CR2: variants seen among roughly 807,000 people sequenced by gnomAD.
CR2 encodes the protein complement receptor type 2.
CR2 carries 96 observed loss-of-function variants against 123.0 expected under a neutral mutation model. The observed-to-expected ratio is 0.78, with a 90% confidence interval of 0.66 to 0.93. CR2 has a LOEUF of 0.93. Ranked by LOEUF, CR2 falls within the 40% of genes least tolerant of loss-of-function variation. The probability of loss-of-function intolerance (pLI) is 0.00; values close to 1 mark genes in which losing one functional copy is unlikely to be tolerated. For missense variants in CR2, 1,258 were observed against 1,361.0 expected (o/e 0.92, Z 1.19); for synonymous variants, 484 against 469.5 (o/e 1.03, Z -0.40).
At chr1:207,458,822 T>C (rs969812372) in intron 1 of CR2, among the ~76,000 whole-genome samples, 38 of 152,254 alleles carry the variant, frequency 2.5e-4, no homozygotes, top group Non-Finnish European at 7.3e-5. Context: ...ATTTACAGTC[T>C]GTCTCTTTCT....
chr1:207,484,699 A>G (rs571510161), intron 18 of CR2, among the ~76,000 whole-genome samples: 4 of 152,346 alleles, frequency 2.6e-5, no homozygotes, highest in African/African-American at 9.6e-5. Context: ...AGAGCTTTAC[A>G]TGGTAGTATA....
intron 6 of CR2, 61 bp downstream of exon 6, chr1:207,470,163 G>A: frequency 6.3e-7 from 1 of 1,597,644 alleles, no homozygotes; most frequent in Non-Finnish European, 8.6e-7. Flanking sequence ...TTAGAAGAAG[G>A]GGTTGTGGGC....
At chr1:207,468,762 A>G (rs1658178885) in intron 3 of CR2, 38 bp from the exon 4 acceptor site, 1 of 1,613,654 alleles carries the variant, frequency 6.2e-7, no homozygotes, top group Admixed American at 1.7e-5. Context: ...CTGTTCTGTT[A>G]TTTGCCATGC....
At chr1:207,459,574 G>T (rs2102295855) in intron 1 of CR2, among the ~76,000 whole-genome samples, 3 of 152,098 alleles carry the variant, frequency 2.0e-5, no homozygotes, top group Middle Eastern at 6.8e-3. Flanking sequence ...AAGTCCCTGG[G>T]CCCAAGTAAT....
chr1:207,473,885 G>A lies in CR2; in HGVS notation c.2240G>A (p.Gly747Glu), dbSNP rs1273753802. ...CTAGTTAATACGTCCTGCCAAGATG[G>A]GTGAGTATGAAGTGGTCTATTCTGA... ...VELVNTSCQD[G>E]YQLTGHAYQM... The change falls in exon 12 of 20, where the codon GGG becomes GAG. Residue 747 changes from glycine (G) to glutamate (E), a missense_variant and splice_region_variant. Coordinates refer to ENST00000367057, the MANE Select transcript of CR2 (RefSeq NM_001006658.3). 6.2e-7 allele frequency: 1 copy of A among 1,613,486 alleles called. No homozygotes were observed.
Position 207,466,893 on chromosome 1 carries a change from AC to A in CR2, c.427del (p.Leu143TyrfsTer5). 1 of 1,599,386 alleles carries A rather than the reference AC, an allele frequency of 6.3e-7. No individual in the cohort carries two copies. The highest frequency in any genetic ancestry group is 8.5e-7 in the Non-Finnish European group (1 of 1,173,710). ...QANNMWGPTR[L>X]PTCVSVFPLE... ...CAAATAATATGTGGGGGCCGACACG[AC>A]TACCAACCTGTGTAAGTGGTGAGTA... On this transcript the variant is annotated frameshift_variant, in exon 2 of 20. Transcript: ENST00000367057. LOFTEE classifies it high-confidence loss of function.
intron 18 of CR2, among the ~76,000 whole-genome samples, chr1:207,481,835 G>A (rs1366361388): frequency 6.6e-6 from 1 of 151,936 alleles, no homozygotes; most frequent in Non-Finnish European, 1.5e-5. Flanking sequence ...ATCTAGGAAA[G>A]TCTATCTTTA....
In CR2 at chr1:207,479,499, T is replaced by C. The variant is rs141885899; in HGVS notation, c.3112+219T>C. Among the ~76,000 whole-genome samples the C allele has an allele frequency of 7.3e-3, 1,114 of 152,356 alleles. 27 individuals carry two copies. The highest frequency in any genetic ancestry group is 0.05 in the Admixed American group (765 of 15,304). Reference sequence around the variant, plus strand: ...TGAACAGCCAGCTCTTTCTTCTTTTTAAATTGATATTTTAGTTTTTATTAA... The same window carrying C: ...TGAACAGCCAGCTCTTTCTTCTTTTCAAATTGATATTTTAGTTTTTATTAA... On this transcript the variant is annotated intron_variant, in intron 17 of 19. Transcript: ENST00000367057.
intron 17 of CR2, 148 bp downstream of exon 17, chr1:207,479,428 G>A (rs982152306): frequency 1.8e-5 from 11 of 624,494 alleles, no homozygotes; most frequent in Admixed American, 2.7e-5. Flanking sequence ...CAATGTACAT[G>A]TCACATTACA....
At chr1:207,483,388 G>T (rs1023544244) in intron 18 of CR2, among the ~76,000 whole-genome samples, 5 of 152,164 alleles carry the variant, frequency 3.3e-5, no homozygotes, top group African/African-American at 1.2e-4. Context: ...CTAGGCTGGA[G>T]GCGGGAGGGT....
chr1:207,485,679 G>A, intron 19 of CR2, 107 bp downstream of exon 19: 2 of 702,616 alleles, frequency 2.8e-6, no homozygotes, highest in South Asian at 1.6e-5. Context: ...TCTTACTATT[G>A]CACAAGTCTT....
intron 4 of CR2, 32 bp from the exon 5 acceptor site, chr1:207,469,118 A>G: frequency 1.9e-6 from 3 of 1,585,266 alleles, no homozygotes; most frequent in Non-Finnish European, 1.7e-6. Context: ...CAAACTGCCT[A>G]ATAGTTCTGA....
chr1:207,470,880 G>C lies in CR2; in HGVS notation c.1366G>C (p.Glu456Gln), dbSNP rs777257410. The C allele has an allele frequency of 1.2e-6, 2 of 1,613,778 alleles. No homozygotes were observed. Among genetic ancestry groups the C allele is most frequent in the African/African-American group, 1.3e-5 (1 of 74,900 alleles). ...AGAAGAATCCATACAGTGTACCTCTGAGGGGGTGTGGACACCCCCTGTACC... is the reference window on the plus strand; with the variant it reads ...AGAAGAATCCATACAGTGTACCTCTCAGGGGGTGTGGACACCCCCTGTACC... ...VGEESIQCTSEGVWTPPVPQC... is the reference protein window; with the variant it reads ...VGEESIQCTSQGVWTPPVPQC... Residue 456 changes from glutamate to glutamine, a missense_variant, in exon 7 of 20, where the codon GAG (glutamate) becomes CAG (glutamine). Transcript: ENST00000367057.
At chr1:207,461,798 G>T (rs777538959) in intron 1 of CR2, among the ~76,000 whole-genome samples, 2 of 152,168 alleles carry the variant, frequency 1.3e-5, no homozygotes, top group East Asian at 3.8e-4. Flanking sequence ...GTAAAGGTGA[G>T]TAATCCTGTA....
At chr1:207,465,599 G>A (rs974616159) in intron 1 of CR2, among the ~76,000 whole-genome samples, 5 of 152,188 alleles carry the variant, frequency 3.3e-5, no homozygotes, top group African/African-American at 1.2e-4. Flanking sequence ...ACCAAGTATA[G>A]CACTGATGTG....
intron 18 of CR2, 43 bp downstream of exon 18, chr1:207,480,096 T>C: frequency 1.4e-6 from 2 of 1,434,734 alleles, no homozygotes; most frequent in Non-Finnish European, 9.8e-7. Context: ...CATGCACAAG[T>C]GGTTTCGGCT....
rs1441709485 is a variant in CR2 at position 207,485,574 on chromosome 1, T to G, written c.*18+2T>G. The stretch of plus-strand genomic sequence containing the variant: ...AGCTGATCAGAAGACAAACTGGTGG[T>G]ATGTAATGAAATGGAATATTATTAA... On this transcript the variant is annotated splice_donor_variant, in intron 19 of 19. Transcript: ENST00000367057. LOFTEE classifies it low-confidence loss of function (3UTR_SPLICE). 6.7e-7 allele frequency: 1 copy of G among 1,484,914 alleles called. No individual in the cohort carries two copies. The highest frequency in any genetic ancestry group is 1.7e-5 in the Admixed American group (1 of 59,856). The allele number at this position is 1,484,914 out of a possible 1,614,324, so 92.0% of individuals were successfully genotyped here.
chr1:207,488,708 G>T (rs1213893427), intron 19 of CR2, among the ~76,000 whole-genome samples: 7 of 152,094 alleles, frequency 4.6e-5, no homozygotes, highest in Admixed American at 4.6e-4. Flanking sequence ...AATATCATAG[G>T]TAATAATACA....
chr1:207,473,076 T>A lies in CR2; in HGVS notation c.1875T>A (p.Thr625=). ...GKEAPYFYND[T]VTFKCYSGFT... ...AAGCCCCATATTTCTACAATGACAC[T>A]GTGACATTCAAGTGTTATAGTGGAT... Residue 625 remains threonine, a synonymous_variant, in exon 10 of 20, where the codon ACT becomes ACA. Transcript: ENST00000367057. The A allele has an allele frequency of 6.8e-6, 11 of 1,614,002 alleles. No homozygotes were observed. The highest frequency in any genetic ancestry group is 8.5e-6 in the Non-Finnish European group (10 of 1,179,908).
Sources: allele counts gnomAD v4.1 joint callset (sites outside exome capture counted in the v4.1 genomes callset), GRCh38; gene constraint gnomAD v4.1.1; transcripts MANE v1.5; gene names NCBI Gene and HGNC (gene_info 2026-07-23, HGNC 2026-07-21).